GRIN2A: variants seen among roughly 807,000 people sequenced by gnomAD.
The protein encoded by GRIN2A is glutamate receptor ionotropic, NMDA 2A.
A neutral mutation model predicts 113.4 loss-of-function variants in GRIN2A; 22 were observed. That is an observed-to-expected ratio of 0.19 (90% CI 0.14 to 0.28). The LOEUF (loss-of-function observed/expected upper bound fraction) is 0.28. Ranked by LOEUF, GRIN2A falls within the 10% of genes least tolerant of loss-of-function variation. GRIN2A has a pLI of 1.00. For synonymous variants in GRIN2A, 827 were observed against 738.4 expected, an observed-to-expected ratio of 1.12 and a Z score of -1.94; for missense variants, 1,502 against 1,887.0, an observed-to-expected ratio of 0.80 and a Z score of 3.78.
At chr16:9,845,376 A>G (rs374910621) in intron 5 of GRIN2A, among the ~76,000 whole-genome samples, 1 of 152,172 alleles carries the variant, frequency 6.6e-6, no homozygotes, top group East Asian at 1.9e-4. Flanking sequence ...CTAAACTCCT[A>G]TTATTGATTC....
intron 2 of GRIN2A, among the ~76,000 whole-genome samples, chr16:10,134,651 G>GT (rs2049153981): frequency 6.6e-6 from 1 of 152,058 alleles, no homozygotes; most frequent in Non-Finnish European, 1.5e-5. Context: ...AATTTAGGGA[G>GT]TGTAATGGCC....
rs151127628 is a variant in GRIN2A at position 9,915,168 on chromosome 16, C to T, written c.1007+22791G>A. On this transcript the variant is annotated intron_variant, in intron 3 of 12. Coordinates refer to ENST00000330684, the MANE Select transcript of GRIN2A (RefSeq NM_001134407.3). Reference sequence around the variant, plus strand: ...AGCTAGGATGGTCTTGATCTCCTGACCTCATGATCCGCCCGCCTCAGCCTC... The same window carrying T: ...AGCTAGGATGGTCTTGATCTCCTGATCTCATGATCCGCCCGCCTCAGCCTC... 6.6e-3 allele frequency among the ~76,000 whole-genome samples: 1,006 copies of T among 151,600 alleles called. 14 individuals carry two copies. Among genetic ancestry groups the T allele is most frequent in the African/African-American group, 0.023 (956 of 41,330 alleles).
At chr16:10,046,753 T>C (rs2047266616) in intron 2 of GRIN2A, among the ~76,000 whole-genome samples, 1 of 152,166 alleles carries the variant, frequency 6.6e-6, no homozygotes, top group Admixed American at 6.6e-5. Flanking sequence ...ATAGTGTGTA[T>C]GAAAATGCAT....
At chr16:9,947,323 C>T (rs1297343057) in intron 2 of GRIN2A, among the ~76,000 whole-genome samples, 1 of 152,214 alleles carries the variant, frequency 6.6e-6, no homozygotes, top group Non-Finnish European at 1.5e-5. Flanking sequence ...AAGACCAAGA[C>T]TTAAGACATG....
At chr16:10,165,704 G>C (rs1339250956) in intron 2 of GRIN2A, among the ~76,000 whole-genome samples, 1 of 81,240 alleles carries the variant, frequency 1.2e-5, no homozygotes, top group African/African-American at 4.8e-5. Flanking sequence ...GGGGAGAAAG[G>C]AGGGGAGGGG....
At chr16:9,892,826 A>G (rs2043722264) in intron 3 of GRIN2A, among the ~76,000 whole-genome samples, 1 of 152,060 alleles carries the variant, frequency 6.6e-6, no homozygotes, top group Non-Finnish European at 1.5e-5. Context: ...CACTCAGCAG[A>G]CACAAGATAC....
intron 3 of GRIN2A, among the ~76,000 whole-genome samples, chr16:9,900,236 A>G (rs1325418912): frequency 6.6e-6 from 1 of 152,208 alleles, no homozygotes; most frequent in Non-Finnish European, 1.5e-5. Flanking sequence ...GAAGGGAGGC[A>G]ATGAGAGCTC....
At chr16:9,804,898 A>T (rs2041935208) in intron 10 of GRIN2A, among the ~76,000 whole-genome samples, 2 of 152,234 alleles carry the variant, frequency 1.3e-5, no homozygotes, top group South Asian at 4.2e-4. Flanking sequence ...GGGAAATAAG[A>T]CCTCCTCTCT....
intron 7 of GRIN2A, among the ~76,000 whole-genome samples, chr16:9,834,436 C>A (rs1172669454): frequency 1.3e-5 from 2 of 152,146 alleles, no homozygotes; most frequent in African/African-American, 4.8e-5. Context: ...GGCTGGAGTG[C>A]AGTGGCACAA....
intron 2 of GRIN2A, among the ~76,000 whole-genome samples, chr16:9,973,037 G>C: frequency 6.6e-6 from 1 of 152,198 alleles, no homozygotes. Context: ...GTCCGTTCCT[G>C]GGTGGGGGCC....
chr16:9,768,062 T>A (rs1901028294), intron 12 of GRIN2A, among the ~76,000 whole-genome samples: 5 of 152,232 alleles, frequency 3.3e-5, no homozygotes, highest in Admixed American at 3.3e-4. Flanking sequence ...TTTTTGTTTT[T>A]ATTTTTTTGT....
At chr16:9,905,581 C>T (rs2044010842) in intron 3 of GRIN2A, among the ~76,000 whole-genome samples, 1 of 152,170 alleles carries the variant, frequency 6.6e-6, no homozygotes, top group Non-Finnish European at 1.5e-5. Flanking sequence ...ATGTTCCTTC[C>T]TCTCGCAAAA....
At chr16:10,043,888 CAT>C (rs758287683) in intron 2 of GRIN2A, among the ~76,000 whole-genome samples, 4 of 151,054 alleles carry the variant, frequency 2.6e-5, no homozygotes, top group East Asian at 1.9e-4. Context: ...CATACACACA[CAT>C]ATATATATAC....
intron 2 of GRIN2A, among the ~76,000 whole-genome samples, chr16:10,052,536 G>A (rs2047376480): frequency 6.6e-6 from 1 of 152,206 alleles, no homozygotes; most frequent in African/African-American, 2.4e-5. Context: ...GATGCTTCTA[G>A]CCAGGGAGAG....
intron 2 of GRIN2A, among the ~76,000 whole-genome samples, chr16:10,019,363 A>C (rs528298628): frequency 2.0e-5 from 3 of 152,354 alleles, no homozygotes; most frequent in African/African-American, 7.2e-5. Context: ...TTATGCATGG[A>C]AAGCATCTAT....
intron 2 of GRIN2A, among the ~76,000 whole-genome samples, chr16:10,132,136 A>G (rs978868182): frequency 1.1e-4 from 17 of 152,092 alleles, no homozygotes; most frequent in East Asian, 1.9e-4. Flanking sequence ...ATTCAAGGCC[A>G]GCCTGGCCAA....
Position 9,759,666 on chromosome 16 carries a change from G to A in GRIN2A, c.*3483C>T, listed in dbSNP as rs137977249. ...GGGAAGAGAAAATCAAGAGTAATCC[G>A]TGGATGCCCAGTCATGGTGCTGGCT... On this transcript the variant is annotated 3_prime_UTR_variant, in exon 13 of 13. Coordinates refer to ENST00000330684, the MANE Select transcript of GRIN2A (RefSeq NM_001134407.3). 5.0e-4 allele frequency: 114 copies of A among 230,016 alleles called. No individual in the cohort carries two copies. The East Asian group carries it at 5.8e-3, about 12-fold the overall frequency. The allele number at this position is 230,016 out of a possible 1,614,324, so 14.2% of individuals were successfully genotyped here.
chr16:10,059,593 A>T (rs998843611), intron 2 of GRIN2A, among the ~76,000 whole-genome samples: 4 of 152,174 alleles, frequency 2.6e-5, no homozygotes, highest in Non-Finnish European at 5.9e-5. Flanking sequence ...GCAAATAATA[A>T]CTTTAGAAAG....
chr16:10,023,981 G>T, intron 2 of GRIN2A, among the ~76,000 whole-genome samples: 1 of 152,192 alleles, frequency 6.6e-6, no homozygotes, highest in East Asian at 1.9e-4. Context: ...CTCTTGTTCA[G>T]AAGAACAGGT....
Sources: allele counts gnomAD v4.1 joint callset (sites outside exome capture counted in the v4.1 genomes callset), GRCh38; gene constraint gnomAD v4.1.1; transcripts MANE v1.5; gene names NCBI Gene and HGNC (gene_info 2026-07-23, HGNC 2026-07-21).